EYA2: variants seen among roughly 807,000 people sequenced by gnomAD.
The protein encoded by EYA2 is EYA transcriptional coactivator and phosphatase 2.
EYA2 carries 31 observed loss-of-function variants against 69.2 expected under a neutral mutation model. The observed-to-expected ratio is 0.45, with a 90% CI of 0.34 to 0.60. EYA2 has a LOEUF of 0.60. EYA2 is among the 20% of genes least tolerant of loss of function. The probability of loss-of-function intolerance (pLI) is 0.02; values close to 1 mark genes in which losing one functional copy is unlikely to be tolerated. For synonymous variants in EYA2, 257 were observed against 279.4 expected, an observed-to-expected ratio of 0.92 and a Z score of 0.80; for missense variants, 622 against 701.2, an observed-to-expected ratio of 0.89 and a Z score of 1.28.
chr20:47,113,327 G>C (rs74709731), intron 9 of EYA2, among the ~76,000 whole-genome samples: 1 of 152,164 alleles, frequency 6.6e-6, no homozygotes, highest in African/African-American at 2.4e-5. Flanking sequence ...GGCACCTTTA[G>C]GCCTTACAGC....
chr20:47,123,689 G>T (rs2033108092), intron 9 of EYA2, among the ~76,000 whole-genome samples: 1 of 152,140 alleles, frequency 6.6e-6, no homozygotes, highest in Admixed American at 6.6e-5. Context: ...GAATAAAGGG[G>T]ATATGAAAAG....
At chr20:47,013,166 T>C (rs1473798042) in intron 4 of EYA2, among the ~76,000 whole-genome samples, 1 of 152,222 alleles carries the variant, frequency 6.6e-6, no homozygotes, top group Non-Finnish European at 1.5e-5. Context: ...ATGGGGAGAC[T>C]GCAGGGTACA....
chr20:47,081,333 A>T (rs550026734), intron 7 of EYA2, among the ~76,000 whole-genome samples: 19 of 152,176 alleles, frequency 1.2e-4, no homozygotes, highest in Non-Finnish European at 2.8e-4. Context: ...TTTAGTAAAA[A>T]AAAAATAAAA....
At chr20:47,037,364 T>A (rs1235012929) in intron 5 of EYA2, among the ~76,000 whole-genome samples, 1 of 152,194 alleles carries the variant, frequency 6.6e-6, no homozygotes, top group Non-Finnish European at 1.5e-5. Flanking sequence ...GAGTCAAAAC[T>A]CATGCAACAC....
rs770914435 is a variant in EYA2 at position 47,143,052 on chromosome 20, C to G, written c.889-7C>G. The stretch of plus-strand genomic sequence containing the variant: ...TGCATGTGATTTTCCCCTTCTCTGC[C>G]TCGCAGGACACCACGACGTCCGTGC... On this transcript the variant is annotated splice_region_variant and splice_polypyrimidine_tract_variant and intron_variant, in intron 9 of 15. Coordinates refer to ENST00000327619, the MANE Select transcript of EYA2 (RefSeq NM_005244.5). 1.9e-6 allele frequency: 3 copies of G among 1,612,016 alleles called. No individual in the cohort carries two copies. Among genetic ancestry groups the G allele is most frequent in the South Asian group, 2.2e-5 (2 of 90,572 alleles).
At chr20:46,906,922 A>G (rs1417103703) in intron 1 of EYA2, among the ~76,000 whole-genome samples, 1 of 152,208 alleles carries the variant, frequency 6.6e-6, no homozygotes, top group African/African-American at 2.4e-5. Context: ...ATAATTTTTC[A>G]GTTTCTTACA....
At chr20:47,187,492 T>G (rs1232799562) in intron 15 of EYA2, among the ~76,000 whole-genome samples, 1 of 152,114 alleles carries the variant, frequency 6.6e-6, no homozygotes, top group Non-Finnish European at 1.5e-5. Flanking sequence ...CTAGCTACAG[T>G]GGCCTGCTGA....
At chr20:47,096,772 C>T (rs1375179075) in intron 8 of EYA2, among the ~76,000 whole-genome samples, 2 of 152,116 alleles carry the variant, frequency 1.3e-5, no homozygotes, top group African/African-American at 4.8e-5. Flanking sequence ...TTTTGTAAAA[C>T]GAGTTATATG....
intron 5 of EYA2, among the ~76,000 whole-genome samples, chr20:47,026,323 A>T (rs989977779): frequency 1.2e-4 from 18 of 152,246 alleles, no homozygotes; most frequent in Non-Finnish European, 2.5e-4. Flanking sequence ...AAAATACTAG[A>T]ACGAGAATAA....
At chr20:47,167,883 C>G (rs1428005806) in intron 10 of EYA2, among the ~76,000 whole-genome samples, 2 of 152,208 alleles carry the variant, frequency 1.3e-5, no homozygotes, top group Non-Finnish European at 2.9e-5. Flanking sequence ...TTATTCGGCC[C>G]AGCACAGTCA....
intron 1 of EYA2, among the ~76,000 whole-genome samples, chr20:46,919,551 A>G (rs1238563435): frequency 3.3e-5 from 5 of 152,208 alleles, no homozygotes; most frequent in Non-Finnish European, 7.3e-5. Flanking sequence ...CTCAGCTTTC[A>G]TAGAATTGAA....
At chr20:47,041,461 T>C (rs1374305357) in intron 5 of EYA2, among the ~76,000 whole-genome samples, 1 of 152,236 alleles carries the variant, frequency 6.6e-6, no homozygotes, top group African/African-American at 2.4e-5. Context: ...TAAGCATACA[T>C]GTATATTGAA....
intron 1 of EYA2, among the ~76,000 whole-genome samples, chr20:46,909,277 T>C (rs1984530441): frequency 6.6e-6 from 1 of 152,096 alleles, no homozygotes; most frequent in African/African-American, 2.4e-5. Context: ...TTCCAATGGC[T>C]ACAGACAAAA....
intron 7 of EYA2, among the ~76,000 whole-genome samples, chr20:47,084,415 C>G (rs370524062): frequency 6.6e-6 from 1 of 152,152 alleles, no homozygotes; most frequent in Non-Finnish European, 1.5e-5. Flanking sequence ...GTGGTGCAGG[C>G]TCGTAGTCCC....
intron 5 of EYA2, among the ~76,000 whole-genome samples, chr20:47,051,841 C>T (rs1380464111): frequency 6.6e-6 from 1 of 152,100 alleles, no homozygotes; most frequent in African/African-American, 2.4e-5. Context: ...ACCGACCTTG[C>T]TCTGTTGTTT....
At chr20:47,142,182 C>G (rs1439119645) in intron 9 of EYA2, among the ~76,000 whole-genome samples, 1 of 152,194 alleles carries the variant, frequency 6.6e-6, no homozygotes, top group Non-Finnish European at 1.5e-5. Flanking sequence ...ATTCTTAACT[C>G]ATTAGTCATA....
intron 10 of EYA2, chr20:47,161,361 G>A: frequency 2.2e-6 from 1 of 450,604 alleles, no homozygotes; most frequent in Non-Finnish European, 4.2e-6. Context: ...CTTGAGCCTG[G>A]TGCGCTGGCT....
intron 9 of EYA2, among the ~76,000 whole-genome samples, chr20:47,124,631 TG>T (rs2033132706): frequency 6.6e-6 from 1 of 152,178 alleles, no homozygotes; most frequent in African/African-American, 2.4e-5. Context: ...CCCTGGGCAG[TG>T]ACTCCTGTTA....
intron 5 of EYA2, among the ~76,000 whole-genome samples, chr20:47,032,837 G>T (rs1568735487): frequency 6.6e-6 from 1 of 152,138 alleles, no homozygotes; most frequent in African/African-American, 2.4e-5. Context: ...GATATACCAC[G>T]GCATTTAGCC....
Sources: allele counts gnomAD v4.1 joint callset (sites outside exome capture counted in the v4.1 genomes callset), GRCh38; gene constraint gnomAD v4.1.1; transcripts MANE v1.5; gene names NCBI Gene and HGNC (gene_info 2026-07-23, HGNC 2026-07-21).